Variants in CNTN4 observed in about 807,000 individuals in gnomAD.
CNTN4 encodes contactin 4, also known as contactin-4.
A neutral mutation model predicts 122.5 loss-of-function variants in CNTN4; 77 were observed. That is an observed-to-expected ratio of 0.63 (90% CI 0.52 to 0.76). The LOEUF is 0.76. CNTN4 is among the 30% of genes least tolerant of loss of function. The pLI, the probability that CNTN4 is intolerant of heterozygous loss-of-function variation, is 0.00. For synonymous variants in CNTN4, 512 were observed against 447.0 expected (o/e 1.15, Z -1.83); for missense variants, 1,256 against 1,259.1 (o/e 1.00, Z 0.04).
intron 3 of CNTN4, among the ~76,000 whole-genome samples, chr3:2,377,081 G>A (rs1038024140): frequency 1.3e-5 from 2 of 151,614 alleles, no homozygotes; most frequent in Non-Finnish European, 2.9e-5. Flanking sequence ...ACTTGAACCC[G>A]GGAGGCAGAG....
chr3:2,705,960 A>G (rs1412109094), intron 4 of CNTN4, among the ~76,000 whole-genome samples: 3 of 132,134 alleles, frequency 2.3e-5, no homozygotes, highest in African/African-American at 5.6e-5. Context: ...ATATATAAAT[A>G]TATAAAATAT....
At chr3:2,458,689 C>G (rs186780788) in intron 3 of CNTN4, among the ~76,000 whole-genome samples, 2 of 152,164 alleles carry the variant, frequency 1.3e-5, no homozygotes, top group Non-Finnish European at 1.5e-5. Context: ...AGGATAAAGA[C>G]AAGCCAAATG....
chr3:2,871,374 ATTC>A (rs2093782387), intron 8 of CNTN4, among the ~76,000 whole-genome samples: 1 of 152,232 alleles, frequency 6.6e-6, no homozygotes, highest in Non-Finnish European at 1.5e-5. Flanking sequence ...AGATCATATT[ATTC>A]TTCTTTTTTA....
chr3:2,540,764 G>A (rs1210197738), intron 3 of CNTN4, among the ~76,000 whole-genome samples: 3 of 152,004 alleles, frequency 2.0e-5, no homozygotes, highest in Non-Finnish European at 4.4e-5. Context: ...TATTTTATTT[G>A]TCTTGATCCA....
chr3:3,041,316 C>T (rs544782331), intron 20 of CNTN4, among the ~76,000 whole-genome samples: 2 of 152,226 alleles, frequency 1.3e-5, no homozygotes. Context: ...ATGTTCCAAC[C>T]ATTGCCAAAG....
At chr3:2,903,687 G>A (rs898028371) in intron 12 of CNTN4, among the ~76,000 whole-genome samples, 1 of 152,138 alleles carries the variant, frequency 6.6e-6, no homozygotes, top group Non-Finnish European at 1.5e-5. Flanking sequence ...TCCTATTACA[G>A]ATTTTTATAC....
intron 2 of CNTN4, among the ~76,000 whole-genome samples, chr3:2,268,192 A>T (rs1033117184): frequency 6.6e-6 from 1 of 152,132 alleles, no homozygotes; most frequent in African/African-American, 2.4e-5. Context: ...ACTATTCTCT[A>T]AGACTAAGAG....
chr3:2,600,532 A>T (rs1174147490), intron 4 of CNTN4, among the ~76,000 whole-genome samples: 2 of 152,090 alleles, frequency 1.3e-5, no homozygotes, highest in Non-Finnish European at 2.9e-5. Flanking sequence ...ACATGAACTC[A>T]TCATTTTCTA....
At chr3:2,599,306 G>C (rs1047220765) in intron 4 of CNTN4, among the ~76,000 whole-genome samples, 1 of 152,174 alleles carries the variant, frequency 6.6e-6, no homozygotes, top group Admixed American at 6.6e-5. Context: ...CAAGATCATA[G>C]AGCTGGTAAA....
At chr3:3,019,579 G>A (rs1698084526) in intron 14 of CNTN4, among the ~76,000 whole-genome samples, 1 of 151,872 alleles carries the variant, frequency 6.6e-6, no homozygotes, top group South Asian at 2.1e-4. Context: ...ACAGGCATGA[G>A]CCATGGTAGC....
At chr3:2,156,625 G>A (rs2035732520) in intron 2 of CNTN4, among the ~76,000 whole-genome samples, 1 of 152,184 alleles carries the variant, frequency 6.6e-6, no homozygotes, top group African/African-American at 2.4e-5. Flanking sequence ...TGTAAGATCC[G>A]TTGTAGACCC....
chr3:2,141,685 A>G (rs980385153), intron 2 of CNTN4, among the ~76,000 whole-genome samples: 1 of 152,174 alleles, frequency 6.6e-6, no homozygotes, highest in African/African-American at 2.4e-5. Flanking sequence ...CTCATATTCT[A>G]AAATCATATA....
intron 2 of CNTN4, among the ~76,000 whole-genome samples, chr3:2,188,039 C>G (rs2037356741): frequency 6.6e-6 from 1 of 152,102 alleles, no homozygotes; most frequent in Admixed American, 6.6e-5. Flanking sequence ...GTTTGCTATA[C>G]TTGTCAAGTG....
chr3:2,358,019 A>AG (rs1390140324), intron 3 of CNTN4, among the ~76,000 whole-genome samples: 5 of 152,228 alleles, frequency 3.3e-5, no homozygotes, highest in African/African-American at 1.2e-4. Flanking sequence ...CGTATGTAGC[A>AG]GCATCAGTGG....
chr3:2,129,986 A>G (rs528214128), intron 2 of CNTN4, among the ~76,000 whole-genome samples: 9 of 152,170 alleles, frequency 5.9e-5, no homozygotes, highest in South Asian at 2.1e-4. Flanking sequence ...ACCCAAAACT[A>G]TTTCTACTGT....
At chr3:2,906,629 G>A (rs892180251) in intron 12 of CNTN4, among the ~76,000 whole-genome samples, 7 of 151,886 alleles carry the variant, frequency 4.6e-5, no homozygotes, top group African/African-American at 1.7e-4. Flanking sequence ...CCTGAGGTTG[G>A]GAGATCGAGC....
Position 2,709,077 on chromosome 3 carries a change from C to A in CNTN4, c.56-27138C>A, listed in dbSNP as rs191806980. ...ATAGACCATCCCCCCTCTGCTGCCA[C>A]TGAATTTCATTTAGACCTCGGTGGC... On this transcript the variant is annotated intron_variant, in intron 4 of 24. Transcript: ENST00000418658. This position sits in a 1 kb window ranked among gnomAD's most constrained non-coding sequence, Gnocchi z 5.0. 8.8e-4 allele frequency among the ~76,000 whole-genome samples: 134 copies of A among 152,202 alleles called. No individual in the cohort carries two copies. The highest frequency in any genetic ancestry group is 1.6e-3 in the Non-Finnish European group (107 of 68,020).
chr3:2,151,761 G>C (rs1288902772), intron 2 of CNTN4, among the ~76,000 whole-genome samples: 1 of 152,182 alleles, frequency 6.6e-6, no homozygotes, highest in Admixed American at 6.5e-5. Context: ...GAGGAAAACA[G>C]ACCTGAGCTA....
chr3:2,425,410 G>C (rs1054782252), intron 3 of CNTN4, among the ~76,000 whole-genome samples: 4 of 152,090 alleles, frequency 2.6e-5, no homozygotes, highest in Non-Finnish European at 5.9e-5. Flanking sequence ...TGAGGGCTCT[G>C]TTCTGTTCCA....
Sources: gnomAD v4.1 joint callset for allele counts (sites outside exome capture counted in the v4.1 genomes callset) on GRCh38, gnomAD v4.1.1 for gene constraint, Gnocchi (gnomAD v3.1) non-coding constraint, MANE v1.5 for transcripts, NCBI Gene and HGNC (gene_info 2026-07-23, HGNC 2026-07-21) for gene names.